The following NAALAD2 variants were observed in gnomAD, a reference collection of about 807,000 sequenced individuals.
The protein encoded by NAALAD2 is N-acetylated alpha-linked acidic dipeptidase 2.
A neutral mutation model predicts 95.6 loss-of-function variants in NAALAD2; 89 were observed. The observed-to-expected ratio is 0.93, with a 90% CI of 0.78 to 1.11. NAALAD2 has a LOEUF of 1.11. Among genes scored for constraint, NAALAD2 ranks in the 50% least tolerant of loss-of-function variants. The pLI, the probability that NAALAD2 is intolerant of heterozygous loss-of-function variation, is 0.00. For synonymous variants in NAALAD2, 264 were observed against 294.4 expected, an observed-to-expected ratio of 0.90 and a Z score of 1.06; for missense variants, 894 against 872.4, an observed-to-expected ratio of 1.02 and a Z score of -0.31.
chr11:90,185,657 A>AT (rs1047953471), intron 18 of NAALAD2, among the ~76,000 whole-genome samples: 1 of 151,716 alleles, frequency 6.6e-6, no homozygotes, highest in African/African-American at 2.4e-5. Flanking sequence ...AATCTCTAAG[A>AT]TTTTTTTTCA....
chr11:90,191,520 A>G (rs1565159901), intron 18 of NAALAD2, 38 bp from the exon 19 acceptor site: 1 of 1,446,718 alleles, frequency 6.9e-7, no homozygotes, highest in Non-Finnish European at 9.2e-7. Flanking sequence ...ATGCATGTAT[A>G]CACTTTAGTT....
chr11:90,154,796 CAT>C (rs199841981), intron 6 of NAALAD2, among the ~76,000 whole-genome samples: 2 of 145,578 alleles, frequency 1.4e-5, no homozygotes, highest in Non-Finnish European at 3.0e-5. Flanking sequence ...AATTGAATTT[CAT>C]ATATATATAT....
chr11:90,150,598 A>C lies in NAALAD2; in HGVS notation c.600A>C (p.Arg200Ser). The C allele has an allele frequency of 1.3e-6, 2 of 1,590,634 alleles. No individual in the cohort carries two copies. Among genetic ancestry groups the C allele is most frequent in the Non-Finnish European group, 1.7e-6 (2 of 1,160,376 alleles). The change falls in exon 5 of 19, where the codon AGA (arginine) becomes AGC (serine). Residue 200 changes from arginine (R) to serine (S), a missense_variant. Arg to Ser is a moderately radical substitution (Grantham distance 110). Transcript: ENST00000534061. Reference protein sequence around the residue: ...IVIARYGKIFRGNKVKNAMLA... With the variant: ...IVIARYGKIFSGNKVKNAMLA... Reference sequence around the variant, plus strand: ...TTGCAAGATATGGAAAAATCTTCAGAGGAAATAAAGTACAGTATTATTTGT... The same window carrying C: ...TTGCAAGATATGGAAAAATCTTCAGCGGAAATAAAGTACAGTATTATTTGT...
At chr11:90,173,988 G>A in intron 14 of NAALAD2, 73 bp downstream of exon 14, 2 of 1,019,684 alleles carry the variant, frequency 2.0e-6, no homozygotes, top group Non-Finnish European at 3.0e-6. Context: ...GTTTCTCCAA[G>A]CATGAAATTC....
At chr11:90,186,117 G>A (rs533237772) in intron 18 of NAALAD2, among the ~76,000 whole-genome samples, 5 of 151,832 alleles carry the variant, frequency 3.3e-5, no homozygotes, top group South Asian at 4.2e-4. Context: ...ATGCTGGTGC[G>A]CTGCACCCAC....
intron 2 of NAALAD2, among the ~76,000 whole-genome samples, chr11:90,137,127 G>C: frequency 6.6e-6 from 1 of 152,016 alleles, no homozygotes; most frequent in East Asian, 1.9e-4. Context: ...CATATTGCAT[G>C]ATCTAACTCA....
In NAALAD2 at chr11:90,170,077, A is replaced by G. The variant is rs905775892; in HGVS notation, c.1351A>G (p.Thr451Ala). 1 of 1,574,686 alleles carries G rather than the reference A, an allele frequency of 6.4e-7. No individual in the cohort carries two copies. The change falls in exon 13 of 19, where the codon ACT becomes GCT. Residue 451 changes from threonine to alanine, a missense_variant. Thr to Ala is a moderately conservative substitution (Grantham distance 58). Transcript: ENST00000534061. ...TCTTATTTATTTTTCAGGCAATTAT[A>G]CTCTCAGAGTTGACTGTACTCCCCT... The part of the protein sequence containing the change: ...NSDSSIEGNY[T>A]LRVDCTPLLY...
At chr11:90,158,095 C>G in intron 6 of NAALAD2, 50 bp from the exon 7 acceptor site, 1 of 1,344,270 alleles carries the variant, frequency 7.4e-7, no homozygotes, top group Non-Finnish European at 1.1e-6. Context: ...CTGTATATCT[C>G]TTGCTCAGAT....
At chr11:90,155,543 T>C (rs1338320524) in intron 6 of NAALAD2, among the ~76,000 whole-genome samples, 1 of 111,622 alleles carries the variant, frequency 9.0e-6, no homozygotes, top group Non-Finnish European at 1.7e-5. Context: ...CTATATTATA[T>C]ATGATATATA....
chr11:90,148,278 G>A (rs530674789), intron 3 of NAALAD2, among the ~76,000 whole-genome samples: 3 of 152,296 alleles, frequency 2.0e-5, no homozygotes, highest in Admixed American at 1.3e-4. Context: ...ATGTTAGTAG[G>A]AATGAGGATG....
intron 18 of NAALAD2, among the ~76,000 whole-genome samples, chr11:90,190,632 A>G (rs1245438848): frequency 6.6e-6 from 1 of 152,294 alleles, no homozygotes; most frequent in African/African-American, 2.4e-5. Flanking sequence ...TCAGGATACC[A>G]ATGCTTATAA....
At chr11:90,141,402 A>G (rs1468679347) in intron 2 of NAALAD2, among the ~76,000 whole-genome samples, 2 of 152,138 alleles carry the variant, frequency 1.3e-5, no homozygotes, top group African/African-American at 4.8e-5. Flanking sequence ...TTTTATCAGC[A>G]TTTTGTAATT....
At chr11:90,163,810 G>A in intron 11 of NAALAD2, 193 bp downstream of exon 11, 2 of 559,846 alleles carry the variant, frequency 3.6e-6, no homozygotes, top group Non-Finnish European at 6.2e-6. Context: ...GTACTAGACT[G>A]CAGACAGAGT....
intron 18 of NAALAD2, among the ~76,000 whole-genome samples, chr11:90,187,612 T>G (rs1007605019): frequency 6.6e-6 from 1 of 152,210 alleles, no homozygotes; most frequent in African/African-American, 2.4e-5. Context: ...TCTTAAAGAA[T>G]TTATTTCAAA....
chr11:90,166,156 C>G (rs956932902), intron 11 of NAALAD2, among the ~76,000 whole-genome samples: 2 of 152,168 alleles, frequency 1.3e-5, no homozygotes, highest in East Asian at 1.9e-4. Flanking sequence ...TGTGCCATAA[C>G]CACACACAGC....
rs1565521569 is a variant in NAALAD2 at position 90,154,934 on chromosome 11, CATATGTATATATTATATACGTATACATA to C, written c.796+2487_796+2514del. On this transcript the variant is annotated intron_variant, in intron 6 of 18. Coordinates refer to ENST00000534061, the MANE Select transcript of NAALAD2 (RefSeq NM_005467.4). ...CATATGTATATATTATATACGTATA[CATATGTATATATTATATACGTATACATA>C]ATATGTATATATTATATACGTATAC... is the stretch of plus-strand genomic sequence containing the variant. Among the ~76,000 whole-genome samples the C allele has an allele frequency of 2.3e-3, 121 of 52,326 alleles. 10 individuals are homozygous for C. Among genetic ancestry groups the C allele is most frequent in the African/African-American group, 0.014 (110 of 8,076 alleles). 34.3% of individuals were successfully genotyped at this position (52,326 alleles called of 152,430 possible).
chr11:90,158,531 G>T, intron 7 of NAALAD2: 1 of 269,870 alleles, frequency 3.7e-6, no homozygotes, highest in African/African-American at 2.3e-5. Context: ...AATTTTCATA[G>T]GTATTCATTA....
At chr11:90,167,199 C>T (rs1295849579) in intron 11 of NAALAD2, among the ~76,000 whole-genome samples, 2 of 152,138 alleles carry the variant, frequency 1.3e-5, no homozygotes, top group Admixed American at 6.5e-5. Flanking sequence ...AGGGAAGGAG[C>T]GGGCGGGAAC....
Position 90,149,120 on chromosome 11 carries a change from AC to A in NAALAD2, c.483+14del. The A allele has an allele frequency of 6.6e-7, 1 of 1,515,844 alleles. No individual in the cohort carries two copies. The highest frequency in any genetic ancestry group is 1.2e-5 in the South Asian group (1 of 85,274). 93.9% of individuals were successfully genotyped at this position (1,515,844 alleles called of 1,614,324 possible). Reference sequence around the variant, plus strand: ...AGGCATGCCAGAGGTAAAATAAAATACTTTTGTAATCCAAGTCTTTAAATGG... The same window carrying A: ...AGGCATGCCAGAGGTAAAATAAAATATTTTGTAATCCAAGTCTTTAAATGG... On this transcript the variant is annotated intron_variant, in intron 4 of 18. Coordinates refer to ENST00000534061, the MANE Select transcript of NAALAD2 (RefSeq NM_005467.4).
Sources: gnomAD v4.1 joint callset for allele counts (sites outside exome capture counted in the v4.1 genomes callset) on GRCh38, gnomAD v4.1.1 for gene constraint, MANE v1.5 for transcripts, NCBI Gene and HGNC (gene_info 2026-07-23, HGNC 2026-07-21) for gene names.